STK32A: variants seen among roughly 807,000 people sequenced by gnomAD.
The protein encoded by STK32A is serine/threonine-protein kinase 32A.
A neutral mutation model predicts 53.2 loss-of-function variants in STK32A; 41 were observed. The ratio of observed to expected loss-of-function variants is 0.77; its 90% CI spans 0.60 to 1.00. STK32A has a LOEUF of 1.00. Among genes scored for constraint, STK32A ranks in the 50% least tolerant of loss-of-function variants. The probability of loss-of-function intolerance (pLI) is 0.00; values close to 1 mark genes in which losing one functional copy is unlikely to be tolerated. For synonymous variants in STK32A, 166 were observed against 162.8 expected (o/e 1.02, Z -0.15); for missense variants, 458 against 485.8 (o/e 0.94, Z 0.54).
chr5:147,253,513 C>T (rs761022991), intron 2 of STK32A, among the ~76,000 whole-genome samples: 10 of 152,208 alleles, frequency 6.6e-5, no homozygotes, highest in African/African-American at 2.2e-4. Flanking sequence ...CTACCACGCC[C>T]GGCTAATTTT....
chr5:147,382,228 A>C (rs1257542868), intron 11 of STK32A, among the ~76,000 whole-genome samples: 1 of 152,126 alleles, frequency 6.6e-6, no homozygotes, highest in Non-Finnish European at 1.5e-5. Flanking sequence ...CCCTGTAGCA[A>C]ATTTTTAAAT....
At position 147,314,502 on chromosome 5, in the gene STK32A, AAAAACAAAAAAAAACAAAAAAAAAC is replaced by A. The variant is rs1378020686; in HGVS notation, c.261-9391_261-9367del. On this transcript the variant is annotated intron_variant, in intron 4 of 12. Transcript: ENST00000397936. Reference sequence around the variant, plus strand: ...AACAAGAGCGAAACTCCATATCAAAAAAAACAAAAAAAAACAAAAAAAAACAAAAAAAAAAAAAGAACAAAGATTT... The same window carrying A: ...AACAAGAGCGAAACTCCATATCAAAAAAAAAAAAAAAAAGAACAAAGATTT... 8.9e-3 allele frequency among the ~76,000 whole-genome samples: 282 copies of A among 31,616 alleles called. 14 individuals are homozygous for A. Among genetic ancestry groups the A allele is most frequent in the African/African-American group, 0.041 (265 of 6,504 alleles). The allele number at this position is 31,616 out of a possible 152,430, so 20.7% of individuals were successfully genotyped here.
intron 4 of STK32A, among the ~76,000 whole-genome samples, chr5:147,303,985 G>C (rs930933519): frequency 1.3e-5 from 2 of 152,244 alleles, no homozygotes; most frequent in South Asian, 4.2e-4. Flanking sequence ...TGAAAACAAC[G>C]CAAGGAGCCA....
chr5:147,249,809 A>C, intron 2 of STK32A, among the ~76,000 whole-genome samples: 1 of 146,358 alleles, frequency 6.8e-6, no homozygotes, highest in East Asian at 2.1e-4. Flanking sequence ...GCTACTCAGG[A>C]GGCTGAGGCA....
chr5:147,394,011 C>A, the STK32A span: 2 of 1,611,750 alleles, frequency 1.2e-6, no homozygotes, highest in Admixed American at 3.3e-5. Context: ...CTTGCTTCTG[C>A]CCCTCTCTTT....
the STK32A span, among the ~76,000 whole-genome samples, chr5:147,397,012 T>C: frequency 5.8e-5 from 7 of 120,934 alleles, no homozygotes; most frequent in African/African-American, 2.0e-4. Context: ...CAATACAATA[T>C]AAATATATAA....
chr5:147,394,986 C>T, the STK32A span, among the ~76,000 whole-genome samples: 2 of 152,114 alleles, frequency 1.3e-5, no homozygotes, highest in African/African-American at 4.8e-5. Context: ...TATGGAGCAA[C>T]TGAATGATTA....
At chr5:147,252,749 C>A (rs1312260046) in intron 2 of STK32A, among the ~76,000 whole-genome samples, 1 of 152,136 alleles carries the variant, frequency 6.6e-6, no homozygotes, top group Non-Finnish European at 1.5e-5. Context: ...ATTCTAGCAG[C>A]CCTCATCCCT....
intron 4 of STK32A, among the ~76,000 whole-genome samples, chr5:147,317,080 A>G (rs1754030844): frequency 6.6e-6 from 1 of 151,310 alleles, no homozygotes; most frequent in African/African-American, 2.4e-5. Flanking sequence ...CACACAGAAT[A>G]CAGACTTATT....
chr5:147,288,122 A>G (rs1279018905), intron 4 of STK32A, among the ~76,000 whole-genome samples: 1 of 152,156 alleles, frequency 6.6e-6, no homozygotes, highest in Admixed American at 6.5e-5. Flanking sequence ...CACTTCTCAC[A>G]TTGAACCTCA....
chr5:147,343,621 G>A (rs561549017), intron 6 of STK32A, among the ~76,000 whole-genome samples: 2 of 152,310 alleles, frequency 1.3e-5, no homozygotes, highest in East Asian at 1.9e-4. Flanking sequence ...CTGTCACGAA[G>A]AAATCACTCA....
At chr5:147,355,066 AT>A (rs1382059802) in intron 7 of STK32A, among the ~76,000 whole-genome samples, 1 of 152,204 alleles carries the variant, frequency 6.6e-6, no homozygotes, top group Admixed American at 6.5e-5. Flanking sequence ...CTTTCATAGG[AT>A]ACTAAGTAGC....
intron 2 of STK32A, among the ~76,000 whole-genome samples, chr5:147,258,622 A>T (rs1364329023): frequency 6.6e-6 from 1 of 151,884 alleles, no homozygotes; most frequent in African/African-American, 2.4e-5. Flanking sequence ...TTAAACAACT[A>T]GTTAATTTAT....
At chr5:147,299,873 G>A (rs142261776) in intron 4 of STK32A, among the ~76,000 whole-genome samples, 151 of 152,294 alleles carry the variant, frequency 9.9e-4, no homozygotes, top group African/African-American at 3.5e-3. Flanking sequence ...AATGAGCCAG[G>A]CAGCTAGTCA....
chr5:147,333,166 A>T (rs763094511), intron 5 of STK32A, among the ~76,000 whole-genome samples: 36 of 152,186 alleles, frequency 2.4e-4, no homozygotes, highest in Non-Finnish European at 4.3e-4. Context: ...AGAGCTCTGA[A>T]TAGAGCTTTG....
intron 4 of STK32A, among the ~76,000 whole-genome samples, chr5:147,318,281 A>T (rs1258928792): frequency 5.3e-5 from 8 of 152,208 alleles, no homozygotes; most frequent in Non-Finnish European, 8.8e-5. Context: ...CAAAGAAAAA[A>T]AGAATATAGA....
At position 147,375,342 on chromosome 5, in the gene STK32A, G is replaced by A. The variant is rs554215166; in HGVS notation, c.1032+124G>A. The A allele has an allele frequency of 1.5e-5, 19 of 1,284,010 alleles. No individual in the cohort carries two copies. The South Asian group carries it at 2.6e-4, about 18-fold the overall frequency. The allele number at this position is 1,284,010 out of a possible 1,614,324, so 79.5% of individuals were successfully genotyped here. A position where few individuals can be genotyped will look rare whatever the true frequency, so the allele number is the denominator to read the frequency against. ...TTTGCTGCTTAGTGAAATAGGAGAA[G>A]TAGATCAGCCGGGTTTCTAAAAGGG... On this transcript the variant is annotated intron_variant, in intron 11 of 12. Transcript: ENST00000397936.
At chr5:147,288,447 A>G (rs1327218059) in intron 4 of STK32A, among the ~76,000 whole-genome samples, 1 of 152,204 alleles carries the variant, frequency 6.6e-6, no homozygotes, top group African/African-American at 2.4e-5. Context: ...TCACATTGCT[A>G]TAAAGAAATA....
rs967171845 is a variant in STK32A at position 147,265,579 on chromosome 5, G to A, written c.53-12545G>A. Among the ~76,000 whole-genome samples the A allele has an allele frequency of 7.8e-4, 118 of 152,088 alleles. 1 individual carries two copies. The highest frequency in any genetic ancestry group is 7.6e-3 in the Admixed American group (116 of 15,260). ...TGATTATTCAGGTTTTGTTTTGTCA[G>A]ACTGCTAAATGAGGCACACTCAGTT... is the stretch of plus-strand genomic sequence containing the variant. On this transcript the variant is annotated intron_variant, in intron 2 of 12. Coordinates refer to ENST00000397936, the MANE Select transcript of STK32A (RefSeq NM_001112724.2).
Sources: gnomAD v4.1 joint callset for allele counts (sites outside exome capture counted in the v4.1 genomes callset) on GRCh38, gnomAD v4.1.1 for gene constraint, MANE v1.5 for transcripts, NCBI Gene and HGNC (gene_info 2026-07-23, HGNC 2026-07-21) for gene names.